The following PTPRG variants were observed in gnomAD, a reference collection of about 807,000 sequenced individuals.
PTPRG encodes the protein receptor-type tyrosine-protein phosphatase gamma.
PTPRG carries 102 observed loss-of-function variants against 165.3 expected under a neutral mutation model. The observed-to-expected ratio is 0.62, with a 90% CI of 0.53 to 0.73. The LOEUF is 0.73. Ranked by LOEUF, PTPRG falls within the 30% of genes least tolerant of loss-of-function variation. PTPRG has a pLI of 0.00. For missense variants in PTPRG, 1,866 were observed against 1,861.4 expected (o/e 1.00, Z -0.05); for synonymous variants, 675 against 669.5 (o/e 1.01, Z -0.13).
At chr3:61,600,192 A>ATATG (rs1279672354) in intron 1 of PTPRG, among the ~76,000 whole-genome samples, 47 of 106,616 alleles carry the variant, frequency 4.4e-4, no homozygotes, top group East Asian at 1.2e-3. Flanking sequence ...ATATATATAT[A>ATATG]TGTGTGTGTG....
At chr3:61,696,838 C>T (rs1056559002) in intron 1 of PTPRG, among the ~76,000 whole-genome samples, 1 of 152,196 alleles carries the variant, frequency 6.6e-6, no homozygotes, top group Non-Finnish European at 1.5e-5. Context: ...GATGGTTGAT[C>T]TTCGAGTCAG....
chr3:61,805,620 G>A (rs147221925), intron 2 of PTPRG, among the ~76,000 whole-genome samples: 3 of 152,076 alleles, frequency 2.0e-5, no homozygotes, highest in Non-Finnish European at 4.4e-5. Flanking sequence ...TCTGGGTTAG[G>A]GTAATTACCA....
At chr3:61,812,515 T>C (rs933655042) in intron 2 of PTPRG, among the ~76,000 whole-genome samples, 1 of 152,230 alleles carries the variant, frequency 6.6e-6, no homozygotes, top group African/African-American at 2.4e-5. Context: ...ACATACTGCC[T>C]CTATTTGTTC....
chr3:62,257,249 G>T (rs188122390), intron 16 of PTPRG, among the ~76,000 whole-genome samples: 196 of 152,252 alleles, frequency 1.3e-3, no homozygotes, highest in African/African-American at 4.2e-3. Flanking sequence ...TTCCTTTTGG[G>T]TAACTGCTAA....
chr3:61,970,872 T>C (rs930199661), intron 2 of PTPRG, among the ~76,000 whole-genome samples: 6 of 152,180 alleles, frequency 3.9e-5, no homozygotes, highest in Non-Finnish European at 7.3e-5. Flanking sequence ...CCATCTAAAA[T>C]CCTGAGTTTA....
chr3:61,644,927 A>G (rs1008859059), intron 1 of PTPRG, among the ~76,000 whole-genome samples: 1 of 152,128 alleles, frequency 6.6e-6, no homozygotes, highest in African/African-American at 2.4e-5. Context: ...GACATAACCC[A>G]TTTGCTGCTG....
At chr3:61,759,711 C>G (rs683400) in intron 2 of PTPRG, among the ~76,000 whole-genome samples, 85,894 of 151,824 alleles carry the variant, frequency 0.57, 24,484 homozygotes, top group East Asian at 0.71. Flanking sequence ...TATTCATTGG[C>G]ATTTTTATGT....
intron 14 of PTPRG, 176 bp from the exon 15 acceptor site, chr3:62,243,631 T>C: frequency 2.1e-6 from 1 of 480,592 alleles, no homozygotes. Flanking sequence ...TGTAGCAATT[T>C]TGGGCCCCTC....
intron 4 of PTPRG, among the ~76,000 whole-genome samples, chr3:62,023,754 C>T (rs2041749858): frequency 6.6e-6 from 1 of 152,132 alleles, no homozygotes; most frequent in Non-Finnish European, 1.5e-5. Context: ...GAGATTAAAA[C>T]CTACCTACTG....
At chr3:62,086,584 A>G (rs966890896) in intron 5 of PTPRG, among the ~76,000 whole-genome samples, 4 of 152,118 alleles carry the variant, frequency 2.6e-5, no homozygotes, top group Non-Finnish European at 5.9e-5. Context: ...TCCTTCTGGC[A>G]TTTTCCACAT....
chr3:62,197,848 C>T (rs1326438062), intron 10 of PTPRG, among the ~76,000 whole-genome samples: 1 of 152,166 alleles, frequency 6.6e-6, no homozygotes, highest in African/African-American at 2.4e-5. Context: ...TGTCTGATGA[C>T]GATGACTTGC....
At chr3:62,251,113 T>TA (rs1311174326) in intron 15 of PTPRG, among the ~76,000 whole-genome samples, 1 of 152,144 alleles carries the variant, frequency 6.6e-6, no homozygotes, top group African/African-American at 2.4e-5. Context: ...AGTGGCTGAG[T>TA]AAAGTGGCTC....
intron 1 of PTPRG, among the ~76,000 whole-genome samples, chr3:61,706,386 T>A (rs1191385392): frequency 6.6e-6 from 1 of 152,176 alleles, no homozygotes. Flanking sequence ...ATTTTTTTTT[T>A]TATAACATGT....
chr3:61,883,428 A>G (rs968092632), intron 2 of PTPRG, among the ~76,000 whole-genome samples: 3 of 152,162 alleles, frequency 2.0e-5, no homozygotes, highest in Admixed American at 2.0e-4. Context: ...GGATTGTTCC[A>G]GGAGGAATAA....
intron 8 of PTPRG, among the ~76,000 whole-genome samples, chr3:62,174,133 C>A (rs1469853854): frequency 6.6e-6 from 1 of 152,180 alleles, no homozygotes; most frequent in Non-Finnish European, 1.5e-5. Flanking sequence ...TGCAGCATAT[C>A]CCGGGTACAT....
intron 1 of PTPRG, among the ~76,000 whole-genome samples, chr3:61,732,653 G>A (rs2032552606): frequency 6.6e-6 from 1 of 151,864 alleles, no homozygotes; most frequent in South Asian, 2.1e-4. Context: ...AGCTTGCAGT[G>A]AGCCAAGATC....
rs1329313373 is a variant in PTPRG, at chr3:61,774,835, A to G, written c.190+25853A>G. On this transcript the variant is annotated intron_variant, in intron 2 of 29. Transcript: ENST00000474889. ...AAAACACAGCCTTGAAAAGGTTATT[A>G]GTTAAAACAAGATGGGAATGGACGA... is the stretch of plus-strand genomic sequence containing the variant. Among the ~76,000 whole-genome samples the G allele has an allele frequency of 2.6e-5, 4 of 152,276 alleles. No homozygotes were observed. The East Asian group carries it at 7.7e-4, about 29-fold the overall frequency.
At chr3:62,131,339 G>T (rs139007624) in intron 5 of PTPRG, among the ~76,000 whole-genome samples, 1 of 152,206 alleles carries the variant, frequency 6.6e-6, no homozygotes, top group Non-Finnish European at 1.5e-5. Context: ...CTCTCTTCTG[G>T]AGATGCTGAG....
At position 61,690,986 on chromosome 3, in the gene PTPRG, T is replaced by C. The variant is rs138648063; in HGVS notation, c.86-57892T>C. 3.2e-3 allele frequency among the ~76,000 whole-genome samples: 491 copies of C among 152,222 alleles called. 1 individual carries two copies. The highest frequency in any genetic ancestry group is 0.011 in the African/African-American group (458 of 41,564). The stretch of plus-strand genomic sequence containing the variant: ...TTGCTATGTTTTTACATAGACAAAA[T>C]AAAACCACAGAATCCTTCAATAGAG... On this transcript the variant is annotated intron_variant, in intron 1 of 29. Transcript: ENST00000474889.
Sources: allele counts gnomAD v4.1 joint callset (sites outside exome capture counted in the v4.1 genomes callset), GRCh38; gene constraint gnomAD v4.1.1; transcripts MANE v1.5; gene names NCBI Gene and HGNC (gene_info 2026-07-23, HGNC 2026-07-21).